CNNM2: variants seen among roughly 807,000 people sequenced by gnomAD.
CNNM2 encodes cyclin and CBS domain divalent metal cation transport mediator 2.
In CNNM2, 12 loss-of-function variants were observed where a neutral mutation model predicts 66.9. The observed-to-expected ratio is 0.18, with a 90% CI of 0.11 to 0.29. The LOEUF is 0.29. Among genes scored for constraint, CNNM2 ranks in the 10% least tolerant of loss-of-function variants. The probability of loss-of-function intolerance (pLI) is 1.00; values close to 1 mark genes in which losing one functional copy is unlikely to be tolerated. For synonymous variants in CNNM2, 557 were observed against 501.8 expected (o/e 1.11, Z -1.47); for missense variants, 705 against 1,167.7 (o/e 0.60, Z 5.77).
At chr10:102,966,663 C>A (rs2063469438) in intron 1 of CNNM2, among the ~76,000 whole-genome samples, 1 of 152,122 alleles carries the variant, frequency 6.6e-6, no homozygotes, top group South Asian at 2.1e-4. Flanking sequence ...GTGCCTATTC[C>A]CTGTAGATTT....
chr10:102,959,611 C>T (rs894984425), intron 1 of CNNM2, among the ~76,000 whole-genome samples: 3 of 152,072 alleles, frequency 2.0e-5, no homozygotes, highest in Non-Finnish European at 4.4e-5. Flanking sequence ...GGGTCTTGCT[C>T]TGTCACCCAA....
chr10:103,044,168 C>CT (rs1217678056), intron 1 of CNNM2, among the ~76,000 whole-genome samples: 2 of 152,140 alleles, frequency 1.3e-5, no homozygotes, highest in African/African-American at 4.8e-5. Context: ...AGTTTATCAT[C>CT]TTTTTAAGTT....
chr10:102,939,797 A>C (rs1846360924), intron 1 of CNNM2, among the ~76,000 whole-genome samples: 1 of 152,034 alleles, frequency 6.6e-6, no homozygotes. Context: ...ATGGTGAAAC[A>C]CCGTCTCTAC....
chr10:103,021,775 A>G (rs1029543917), intron 1 of CNNM2, among the ~76,000 whole-genome samples: 10 of 152,108 alleles, frequency 6.6e-5, no homozygotes, highest in African/African-American at 2.2e-4. Flanking sequence ...ATACAACTCT[A>G]TGGTTTCAAA....
chr10:103,063,407 C>T (rs1000841404), intron 4 of CNNM2, among the ~76,000 whole-genome samples: 16 of 152,144 alleles, frequency 1.1e-4, no homozygotes, highest in African/African-American at 3.1e-4. Context: ...AGAAGGTGAG[C>T]GGGAGACCAG....
At position 103,087,628 on chromosome 10, in the gene CNNM2, A is replaced by G. The variant is rs2065849748; in HGVS notation, c.*10448A>G. ...GGTAGCTCTGCAGATGTAATAAGCT[A>G]CTCATAAATTATTTGGGTTTAAGAA... On this transcript the variant is annotated 3_prime_UTR_variant, in exon 8 of 8. Transcript: ENST00000369878. The G allele has an allele frequency of 6.6e-6, 1 of 152,234 alleles. No homozygotes were observed. Among genetic ancestry groups the G allele is most frequent in the African/African-American group, 2.4e-5 (1 of 41,468 alleles). 9.4% of individuals were successfully genotyped at this position (152,234 alleles called of 1,614,324 possible).
At chr10:102,929,471 G>A (rs1009561502) in intron 1 of CNNM2, among the ~76,000 whole-genome samples, 1 of 150,192 alleles carries the variant, frequency 6.7e-6, no homozygotes, top group African/African-American at 2.4e-5. Context: ...AAAGTGACTA[G>A]TTATTGTAGG....
intron 1 of CNNM2, among the ~76,000 whole-genome samples, chr10:102,979,557 T>C (rs954113178): frequency 1.3e-5 from 2 of 152,240 alleles, no homozygotes; most frequent in East Asian, 3.8e-4. Flanking sequence ...CTACTGAGCA[T>C]GTCTATGTTT....
At chr10:103,038,860 T>C (rs1459404912) in intron 1 of CNNM2, among the ~76,000 whole-genome samples, 1 of 152,232 alleles carries the variant, frequency 6.6e-6, no homozygotes, top group Non-Finnish European at 1.5e-5. Flanking sequence ...CAAGTGCTTC[T>C]ATATATACAC....
rs189063238 is a variant in CNNM2, at chr10:102,968,172, T to C, written c.1621+48071T>C. Reference sequence around the variant, plus strand: ...CAAACTGTTCTCCAACTTGGCTGTATGTACCATTTTACAACCAGCAATGTC... The same window carrying C: ...CAAACTGTTCTCCAACTTGGCTGTACGTACCATTTTACAACCAGCAATGTC... On this transcript the variant is annotated intron_variant, in intron 1 of 7. Transcript: ENST00000369878. Among the ~76,000 whole-genome samples, 13 of 152,368 alleles carry C rather than the reference T, an allele frequency of 8.5e-5. No homozygotes were observed. In the East Asian group the frequency reaches 2.5e-3, roughly 29 times the overall value.
At chr10:102,940,547 T>C (rs1846394011) in intron 1 of CNNM2, among the ~76,000 whole-genome samples, 2 of 151,036 alleles carry the variant, frequency 1.3e-5, no homozygotes, top group Admixed American at 6.6e-5. Context: ...GCCTCCCAAG[T>C]AGCTGGGACT....
chr10:103,050,502 A>T (rs2134330860), intron 2 of CNNM2, among the ~76,000 whole-genome samples: 1 of 150,514 alleles, frequency 6.6e-6, no homozygotes, highest in East Asian at 2.0e-4. Flanking sequence ...GTGCCACTGT[A>T]CTCCAGCCTG....
intron 1 of CNNM2, among the ~76,000 whole-genome samples, chr10:102,947,455 A>G (rs753019887): frequency 1.1e-4 from 6 of 53,866 alleles, no homozygotes; most frequent in South Asian, 6.6e-4. Flanking sequence ...AAAAATGAAG[A>G]AAAAAAACCA....
chr10:103,088,069 A>C lies in CNNM2; in HGVS notation c.*10889A>C, dbSNP rs563129336. The stretch of plus-strand genomic sequence containing the variant: ...CTTGAATATTTATTTCCTTTAAGAG[A>C]ATATCAAACTGATGTCACCAAATCT... On this transcript the variant is annotated 3_prime_UTR_variant, in exon 8 of 8. Coordinates refer to ENST00000369878, the MANE Select transcript of CNNM2 (RefSeq NM_017649.5). 1 of 152,372 alleles carries C rather than the reference A, an allele frequency of 6.6e-6. No homozygotes were observed. Among genetic ancestry groups the C allele is most frequent in the East Asian group, 1.9e-4 (1 of 5,196 alleles). The allele number at this position is 152,372 out of a possible 1,614,324, so 9.4% of individuals were successfully genotyped here.
At chr10:102,984,562 T>C (rs1218878486) in intron 1 of CNNM2, among the ~76,000 whole-genome samples, 1 of 152,220 alleles carries the variant, frequency 6.6e-6, no homozygotes, top group Non-Finnish European at 1.5e-5. Flanking sequence ...TTTAAAGGAA[T>C]ATGTGTAAAA....
chr10:102,930,654 C>G (rs1350190446), intron 1 of CNNM2, among the ~76,000 whole-genome samples: 1 of 152,198 alleles, frequency 6.6e-6, no homozygotes, highest in Non-Finnish European at 1.5e-5. Flanking sequence ...TGTCTACTTA[C>G]AGAACATTTT....
rs149102570 is a variant in CNNM2, at chr10:102,967,237, G to A, written c.1621+47136G>A. Reference sequence around the variant, plus strand: ...TGAGTAGCTGGGATTATAGGTGGGAGCCACTGTGCCTGGCCTCCTTTCTCC... The same window carrying A: ...TGAGTAGCTGGGATTATAGGTGGGAACCACTGTGCCTGGCCTCCTTTCTCC... On this transcript the variant is annotated intron_variant, in intron 1 of 7. Coordinates refer to ENST00000369878, the MANE Select transcript of CNNM2 (RefSeq NM_017649.5). 2.6e-5 allele frequency among the ~76,000 whole-genome samples: 4 copies of A among 152,320 alleles called. No homozygotes were observed. In the East Asian group the frequency reaches 7.7e-4, roughly 29 times the overall value.
At chr10:102,924,197 C>G (rs966308478) in intron 1 of CNNM2, among the ~76,000 whole-genome samples, 5 of 152,048 alleles carry the variant, frequency 3.3e-5, no homozygotes, top group African/African-American at 9.7e-5. Flanking sequence ...GAAAGGCTGC[C>G]ACCTTTGTGT....
intron 1 of CNNM2, among the ~76,000 whole-genome samples, chr10:102,978,796 T>G (rs2063677270): frequency 6.6e-6 from 1 of 152,204 alleles, no homozygotes; most frequent in South Asian, 2.1e-4. Flanking sequence ...CCAAGGGTAA[T>G]CATCACCTTG....
Sources: gnomAD v4.1 joint callset for allele counts (sites outside exome capture counted in the v4.1 genomes callset) on GRCh38, gnomAD v4.1.1 for gene constraint, MANE v1.5 for transcripts, NCBI Gene and HGNC (gene_info 2026-07-23, HGNC 2026-07-21) for gene names.